Variants in AUTS2 observed in about 807,000 individuals in gnomAD.
AUTS2 encodes the protein activator of transcription and developmental regulator AUTS2, also known as autism susceptibility gene 2 protein.
In AUTS2, 17 loss-of-function variants were observed where a neutral mutation model predicts 112.4. The observed-to-expected ratio is 0.15, with a 90% CI of 0.10 to 0.23. The LOEUF (loss-of-function observed/expected upper bound fraction) is 0.23. Among genes scored for constraint, AUTS2 ranks in the 10% least tolerant of loss-of-function variants. The pLI is 1.00. For missense variants in AUTS2, 1,510 were observed against 1,701.6 expected (o/e 0.89, Z 1.98); for synonymous variants, 751 against 702.7 (o/e 1.07, Z -1.09).
At position 70,185,257 on chromosome 7, in the gene AUTS2, C is replaced by CTTTTTTTTTTTTTTTTTTTTTT. The variant is rs35215443; in HGVS notation, c.660+50692_660+50713dup. On this transcript the variant is annotated intron_variant, in intron 4 of 18. Transcript: ENST00000342771. ...TGCTTTGGGCCTAAATGACATTAAA[C>CTTTTTTTTTTTTTTTTTTTTTT]TTTTTTTTTTTTTTTTTTTTTTTTT... Among the ~76,000 whole-genome samples the CTTTTTTTTTTTTTTTTTTTTTT allele has an allele frequency of 2.3e-4, 20 of 87,112 alleles. 1 individual carries two copies. Among genetic ancestry groups the CTTTTTTTTTTTTTTTTTTTTTT allele is most frequent in the East Asian group, 7.5e-4 (2 of 2,668 alleles). The allele number at this position is 87,112 out of a possible 152,430, so 57.1% of individuals were successfully genotyped here.
At chr7:70,264,148 A>C (rs1787300432) in intron 4 of AUTS2, among the ~76,000 whole-genome samples, 1 of 152,168 alleles carries the variant, frequency 6.6e-6, no homozygotes, top group South Asian at 2.1e-4. Context: ...AATTCTTCCT[A>C]GAGACGTTTC....
At chr7:70,270,854 T>A (rs924724249) in intron 4 of AUTS2, among the ~76,000 whole-genome samples, 10 of 152,164 alleles carry the variant, frequency 6.6e-5, no homozygotes, top group African/African-American at 2.4e-4. Flanking sequence ...ATCTTTACCC[T>A]GCCCTCTCCC....
chr7:70,237,143 C>T (rs1812369730), intron 4 of AUTS2, among the ~76,000 whole-genome samples: 1 of 152,142 alleles, frequency 6.6e-6, no homozygotes, highest in African/African-American at 2.4e-5. Context: ...TTCTTGTTCA[C>T]TGTTGATTCC....
At chr7:70,008,970 GA>G (rs1247684021) in intron 2 of AUTS2, among the ~76,000 whole-genome samples, 5 of 152,156 alleles carry the variant, frequency 3.3e-5, no homozygotes, top group African/African-American at 9.7e-5. Context: ...TTACTAGAGA[GA>G]AGAAATAAAA....
chr7:70,717,256 G>A (rs1192128560), intron 6 of AUTS2, among the ~76,000 whole-genome samples: 1 of 151,916 alleles, frequency 6.6e-6, no homozygotes, highest in Non-Finnish European at 1.5e-5. Context: ...ATGTTGCCCA[G>A]GCTAGTCTGG....
intron 6 of AUTS2, among the ~76,000 whole-genome samples, chr7:70,755,059 C>T (rs898233473): frequency 6.6e-6 from 1 of 152,076 alleles, no homozygotes; most frequent in African/African-American, 2.4e-5. Flanking sequence ...TCACCCTTTC[C>T]TTTCTGTCCA....
chr7:70,668,403 A>G (rs1311386545), intron 5 of AUTS2, among the ~76,000 whole-genome samples: 3 of 152,230 alleles, frequency 2.0e-5, no homozygotes, highest in Non-Finnish European at 4.4e-5. Flanking sequence ...TCAGCTCATC[A>G]AATGTGAAAG....
Position 69,831,087 on chromosome 7 carries a change from A to C in AUTS2, c.310-68199A>C, listed in dbSNP as rs150567915. ...AAATTCTGGGGTATAGAAAATAGTT[A>C]ATTTATATACTTTAATTCCCACCTG... is the stretch of plus-strand genomic sequence containing the variant. On this transcript the variant is annotated intron_variant, in intron 1 of 18. Coordinates refer to ENST00000342771, the MANE Select transcript of AUTS2 (RefSeq NM_015570.4). 2.9e-3 allele frequency among the ~76,000 whole-genome samples: 447 copies of C among 152,192 alleles called. 5 individuals carry two copies. Among genetic ancestry groups the C allele is most frequent in the African/African-American group, 0.01 (433 of 41,514 alleles).
chr7:70,062,626 T>A (rs1401630222), intron 2 of AUTS2, among the ~76,000 whole-genome samples: 1 of 152,226 alleles, frequency 6.6e-6, no homozygotes, highest in Non-Finnish European at 1.5e-5. Flanking sequence ...GTGACATTTA[T>A]CCCCATTATG....
chr7:70,359,970 G>A (rs114826226), intron 4 of AUTS2, among the ~76,000 whole-genome samples: 1,954 of 152,222 alleles, frequency 0.013, 41 homozygotes, highest in African/African-American at 0.045. Context: ...TGTAGCAGAA[G>A]CACGGGTTTT....
At chr7:70,033,557 G>A (rs1455607027) in intron 2 of AUTS2, among the ~76,000 whole-genome samples, 3 of 152,164 alleles carry the variant, frequency 2.0e-5, no homozygotes, top group African/African-American at 7.2e-5. Flanking sequence ...AGAGAAAGCA[G>A]TAGAGTCAAA....
At chr7:70,393,569 A>G (rs1793958012) in intron 4 of AUTS2, among the ~76,000 whole-genome samples, 1 of 152,106 alleles carries the variant, frequency 6.6e-6, no homozygotes, top group African/African-American at 2.4e-5. Flanking sequence ...TCTGTGTCTC[A>G]CAAGCACCTG....
chr7:70,701,680 G>A (rs1042824604), intron 6 of AUTS2, among the ~76,000 whole-genome samples: 1 of 152,140 alleles, frequency 6.6e-6, no homozygotes, highest in Non-Finnish European at 1.5e-5. Flanking sequence ...CATGCCTAAT[G>A]AGGACTGAGC....
intron 1 of AUTS2, among the ~76,000 whole-genome samples, chr7:69,700,772 A>G (rs954899409): frequency 1.3e-5 from 2 of 152,208 alleles, no homozygotes; most frequent in African/African-American, 4.8e-5. Context: ...TGAATCTTTC[A>G]TAGACCAAGT....
chr7:69,867,203 T>C (rs563627916), intron 1 of AUTS2, among the ~76,000 whole-genome samples: 1 of 152,320 alleles, frequency 6.6e-6, no homozygotes, highest in South Asian at 2.1e-4. Context: ...AGGGGAATTC[T>C]GACTCCTTGA....
chr7:69,811,540 C>T (rs746618196), intron 1 of AUTS2, among the ~76,000 whole-genome samples: 2 of 152,068 alleles, frequency 1.3e-5, no homozygotes, highest in Non-Finnish European at 2.9e-5. Flanking sequence ...CTCCCCCTCC[C>T]GTCCATAATA....
chr7:69,993,284 T>C (rs2129551751), intron 2 of AUTS2, among the ~76,000 whole-genome samples: 1 of 152,298 alleles, frequency 6.6e-6, no homozygotes, highest in East Asian at 1.9e-4. Flanking sequence ...GATATATGTA[T>C]AGTCATCCCA....
At chr7:69,756,786 C>T (rs1210942005) in intron 1 of AUTS2, among the ~76,000 whole-genome samples, 1 of 152,108 alleles carries the variant, frequency 6.6e-6, no homozygotes, top group Non-Finnish European at 1.5e-5. Context: ...TTTTTATATG[C>T]TAGCTCCATT....
chr7:69,895,551 C>CCA (rs1554400694), intron 1 of AUTS2, among the ~76,000 whole-genome samples: 2 of 147,414 alleles, frequency 1.4e-5, no homozygotes, highest in Non-Finnish European at 3.0e-5. Context: ...CTTCCCCCCC[C>CCA]CCGAGTGGAA....
Sources: allele counts gnomAD v4.1 joint callset (sites outside exome capture counted in the v4.1 genomes callset), GRCh38; gene constraint gnomAD v4.1.1; transcripts MANE v1.5; gene names NCBI Gene and HGNC (gene_info 2026-07-23, HGNC 2026-07-21).